The following POLB variants were observed in gnomAD, a reference collection of about 807,000 sequenced individuals.
POLB encodes 5'-dRP lyase.
In POLB, 37 loss-of-function variants were observed where a neutral mutation model predicts 52.7. The ratio of observed to expected loss-of-function variants is 0.70; its 90% CI spans 0.54 to 0.92. The LOEUF (loss-of-function observed/expected upper bound fraction) is 0.92. Ranked by LOEUF, POLB falls within the 40% of genes least tolerant of loss-of-function variation. The probability of loss-of-function intolerance (pLI) is 0.00; values close to 1 mark genes in which losing one functional copy is unlikely to be tolerated. For missense variants in POLB, 313 were observed against 400.8 expected (o/e 0.78, Z 1.87); for synonymous variants, 138 against 131.3 (o/e 1.05, Z -0.35).
rs142346526 is a variant in POLB at position 42,367,284 on chromosome 8, G to A, written c.709-1987G>A. Among the ~76,000 whole-genome samples, 17 of 152,278 alleles carry A rather than the reference G, an allele frequency of 1.1e-4. No individual in the cohort carries two copies. The East Asian group carries it at 3.3e-3, about 29-fold the overall frequency. On this transcript the variant is annotated intron_variant, in intron 11 of 13. Transcript: ENST00000265421. The stretch of plus-strand genomic sequence containing the variant: ...TTATATAATAGGTTGGGTAGTAAGT[G>A]TTATTTTTTAAAAAGGAAGAACAGG...
At chr8:42,344,159 A>G (rs1036177952) in intron 2 of POLB, among the ~76,000 whole-genome samples, 5 of 113,694 alleles carry the variant, frequency 4.4e-5, no homozygotes, top group African/African-American at 1.6e-4. Context: ...AAAAAAAAAA[A>G]GTGGCCGGGA....
Position 42,357,315 on chromosome 8 carries a change from A to G in POLB, c.478-5A>G, listed in dbSNP as rs534555986. The G allele has an allele frequency of 6.0e-6, 9 of 1,510,044 alleles. No homozygotes were observed. In the South Asian group the frequency reaches 6.8e-5, roughly 11 times the overall value. 93.5% of individuals were successfully genotyped at this position (1,510,044 alleles called of 1,614,324 possible). A position where few individuals can be genotyped will look rare whatever the true frequency, so the allele number is the denominator to read the frequency against. ...GGAATACTGACTTAATTTTTCTTCT[A>G]TTAGGATATTGTACTAAATGAAGTT... On this transcript the variant is annotated splice_region_variant and splice_polypyrimidine_tract_variant and intron_variant, in intron 8 of 13. Transcript: ENST00000265421.
At chr8:42,367,464 A>T (rs1170861629) in intron 11 of POLB, among the ~76,000 whole-genome samples, 3 of 152,202 alleles carry the variant, frequency 2.0e-5, no homozygotes, top group African/African-American at 7.2e-5. Context: ...CACCAAGCCT[A>T]TGGGAATGAG....
chr8:42,365,404 G>A (rs1397081116), intron 11 of POLB, among the ~76,000 whole-genome samples: 1 of 152,124 alleles, frequency 6.6e-6, no homozygotes, highest in African/African-American at 2.4e-5. Context: ...GCTTGTGTAT[G>A]CCCCATGAAC....
chr8:42,353,119 GC>G (rs1240732861), intron 6 of POLB, among the ~76,000 whole-genome samples: 1 of 149,694 alleles, frequency 6.7e-6, no homozygotes, highest in Non-Finnish European at 1.5e-5. Flanking sequence ...TGACTTAAAA[GC>G]AATGAAATAG....
intron 13 of POLB, chr8:42,370,259 G>GTTTTTTTTTTTTTTTTTTTTTTTT (rs34271342): frequency 7.7e-6 from 2 of 260,004 alleles, no homozygotes; most frequent in Non-Finnish European, 1.5e-5. Flanking sequence ...ATCTAAAAGG[G>GTTTTTTTTTTTTTTTTTTTTTTTT]TTTTTTTTTT....
At chr8:42,371,524 A>G in intron 13 of POLB, 39 bp from the exon 14 acceptor site, 1 of 1,221,532 alleles carries the variant, frequency 8.2e-7, no homozygotes. Flanking sequence ...AAACTATAAA[A>G]CTGGTTCTTA....
chr8:42,339,216 C>T, intron 2 of POLB, 147 bp downstream of exon 2: 2 of 692,962 alleles, frequency 2.9e-6, no homozygotes, highest in South Asian at 3.2e-5. Flanking sequence ...CTTACTATTT[C>T]TTGAAGAATG....
At chr8:42,359,486 C>A (rs1823539250) in intron 9 of POLB, among the ~76,000 whole-genome samples, 1 of 150,832 alleles carries the variant, frequency 6.6e-6, no homozygotes, top group Non-Finnish European at 1.5e-5. Flanking sequence ...TCCAGAGTAG[C>A]TGGGACCACA....
At position 42,362,602 on chromosome 8, in the gene POLB, G is replaced by T. The variant is rs1444875781; in HGVS notation, c.622-10G>T. ...ACTCTTTTTCTTATTCCCTAATTAT[G>T]ATTCTACAGCCAAAACTGTTACATC... is the stretch of plus-strand genomic sequence containing the variant. On this transcript the variant is annotated splice_polypyrimidine_tract_variant and intron_variant, in intron 10 of 13. Coordinates refer to ENST00000265421, the MANE Select transcript of POLB (RefSeq NM_002690.3). The T allele has an allele frequency of 1.3e-6, 2 of 1,551,038 alleles. No individual in the cohort carries two copies. Among genetic ancestry groups the T allele is most frequent in the Non-Finnish European group, 1.8e-6 (2 of 1,126,308 alleles).
At chr8:42,354,235 C>T (rs1421484468) in intron 6 of POLB, among the ~76,000 whole-genome samples, 5 of 152,066 alleles carry the variant, frequency 3.3e-5, no homozygotes, top group Admixed American at 6.6e-5. Flanking sequence ...CAGTTTTAGT[C>T]GTATACTTTA....
intron 4 of POLB, 50 bp downstream of exon 4, chr8:42,349,140 G>T: frequency 9.7e-7 from 1 of 1,033,244 alleles, no homozygotes; most frequent in Non-Finnish European, 1.5e-6. Context: ...TGCCTTTATG[G>T]CCACTATGTA....
At chr8:42,369,018 G>T in intron 11 of POLB, 1 of 291,026 alleles carries the variant, frequency 3.4e-6, no homozygotes, top group Non-Finnish European at 6.4e-6. Context: ...TTAGTTTCTT[G>T]CTTAGAATCA....
At chr8:42,349,208 T>G in intron 4 of POLB, 118 bp downstream of exon 4, 1 of 590,556 alleles carries the variant, frequency 1.7e-6, no homozygotes, top group Middle Eastern at 3.2e-4. Flanking sequence ...GGAAATGAGG[T>G]GAGTGAAGTT....
At chr8:42,364,367 T>C (rs1170739714) in intron 11 of POLB, among the ~76,000 whole-genome samples, 2 of 152,156 alleles carry the variant, frequency 1.3e-5, no homozygotes, top group Non-Finnish European at 2.9e-5. Flanking sequence ...TAGCTGGGAC[T>C]GCAGGTGCGC....
chr8:42,345,133 A>G (rs762341217), intron 3 of POLB, 114 bp downstream of exon 3: 4 of 652,880 alleles, frequency 6.1e-6, no homozygotes, highest in African/African-American at 1.8e-5. Context: ...GGCTGATTTC[A>G]CTACTCCTGA....
intron 3 of POLB, among the ~76,000 whole-genome samples, chr8:42,346,368 CT>C (rs968133185): frequency 1.3e-5 from 2 of 150,414 alleles, no homozygotes; most frequent in African/African-American, 4.9e-5. Flanking sequence ...CATAATTGCC[CT>C]TTTTTTTCTT....
chr8:42,338,695 G>A lies in POLB; in HGVS notation c.61+10G>A, dbSNP rs369062208. The A allele has an allele frequency of 1.9e-6, 3 of 1,613,070 alleles. No individual in the cohort carries two copies. Among genetic ancestry groups the A allele is most frequent in the Non-Finnish European group, 2.5e-6 (3 of 1,179,006 alleles). The stretch of plus-strand genomic sequence containing the variant: ...ACCGACATGCTCACAGGTTAGCACC[G>A]GGCCGGGCCCCGCTGGCTTTCTTCT... On this transcript the variant is annotated intron_variant, in intron 1 of 13. Coordinates refer to ENST00000265421, the MANE Select transcript of POLB (RefSeq NM_002690.3).
intron 9 of POLB, among the ~76,000 whole-genome samples, chr8:42,358,097 C>A (rs1190261853): frequency 6.6e-6 from 1 of 152,082 alleles, no homozygotes; most frequent in African/African-American, 2.4e-5. Flanking sequence ...CTTACAACAA[C>A]CGGGTTCATC....
Sources: gnomAD v4.1 joint callset for allele counts (sites outside exome capture counted in the v4.1 genomes callset) on GRCh38, gnomAD v4.1.1 for gene constraint, MANE v1.5 for transcripts, NCBI Gene and HGNC (gene_info 2026-07-23, HGNC 2026-07-21) for gene names.